Variants in PDZD7 observed in about 807,000 individuals in gnomAD.
The protein encoded by PDZD7 is PDZ domain-containing protein 7.
Under a neutral mutation model 84.7 loss-of-function variants are expected in PDZD7, and 72 were observed. That is an observed-to-expected ratio of 0.85 (90% CI 0.70 to 1.03). The LOEUF is 1.03. Among genes scored for constraint, PDZD7 ranks in the 50% least tolerant of loss-of-function variants. The pLI is 0.00. For synonymous variants in PDZD7, 594 were observed against 580.7 expected, an observed-to-expected ratio of 1.02 and a Z score of -0.33; for missense variants, 1,490 against 1,412.9, an observed-to-expected ratio of 1.05 and a Z score of -0.87.
At chr10:101,013,125 T>C (rs895733547) in intron 11 of PDZD7, among the ~76,000 whole-genome samples, 3 of 152,044 alleles carry the variant, frequency 2.0e-5, no homozygotes, top group Non-Finnish European at 4.4e-5. Context: ...TGGAAATAAA[T>C]ACAATACAAA....
rs1236639939 is a variant in PDZD7 at position 101,011,788 on chromosome 10, G to T, written c.1934-27C>A. 45 of 1,550,334 alleles carry T rather than the reference G, an allele frequency of 2.9e-5. 1 individual carries two copies. The highest frequency in any genetic ancestry group is 2.1e-4 in the South Asian group (18 of 84,064). ...TGGTTGGAGAGATGAACAGGTCAGC[G>T]GCAAGGTACCCCGCCAGGCTCCGGG... On this transcript the variant is annotated intron_variant, in intron 13 of 16. Transcript: ENST00000619208.
chr10:101,017,240 G>C (rs1852669336), intron 9 of PDZD7: 1 of 210,072 alleles, frequency 4.8e-6, no homozygotes, highest in East Asian at 1.1e-4. Flanking sequence ...CTATGCAATA[G>C]AGGTCATCTT....
chr10:101,020,501 A>C, intron 7 of PDZD7, 117 bp downstream of exon 7: 1 of 972,056 alleles, frequency 1.0e-6, no homozygotes. Context: ...GCCTCCCAAA[A>C]TGCTGGGATT....
intron 1 of PDZD7, 164 bp downstream of exon 1, chr10:101,030,909 C>T: frequency 6.4e-6 from 1 of 157,220 alleles, no homozygotes; most frequent in East Asian, 1.9e-4. Flanking sequence ...CTGCATGAAC[C>T]TCTCCCAAGC....
intron 9 of PDZD7, chr10:101,017,838 G>GGAAA (rs1202852543): frequency 0.15 from 25,097 of 165,270 alleles, 1,197 homozygotes; most frequent in Non-Finnish European, 0.16. Context: ...AAGGAAGGAA[G>GGAAA]GAAAGAAAGA....
intron 14 of PDZD7, chr10:101,011,458 G>A: frequency 8.0e-7 from 1 of 1,256,862 alleles, no homozygotes; most frequent in Admixed American, 3.1e-5. Context: ...CATAGAATGA[G>A]ACTAGATTTT....
intron 1 of PDZD7, chr10:101,030,648 G>T: frequency 2.9e-6 from 1 of 348,316 alleles, no homozygotes; most frequent in Non-Finnish European, 5.6e-6. Context: ...CTCAGTAGAG[G>T]TTGAGAGTGG....
chr10:101,023,334 C>T (rs544412513), intron 4 of PDZD7, 102 bp downstream of exon 4: 419 of 1,432,222 alleles, frequency 2.9e-4, no homozygotes, highest in Non-Finnish European at 3.8e-4. Flanking sequence ...AGCCAGCGAG[C>T]AGGAGGAACA....
intron 2 of PDZD7, among the ~76,000 whole-genome samples, chr10:101,027,242 C>T (rs1042089183): frequency 1.3e-5 from 2 of 150,674 alleles, no homozygotes; most frequent in East Asian, 2.0e-4. Context: ...TTCCTCTGCC[C>T]ACCCCTCCGC....
intron 2 of PDZD7, among the ~76,000 whole-genome samples, chr10:101,025,251 T>C (rs1937623184): frequency 6.6e-6 from 1 of 152,092 alleles, no homozygotes; most frequent in African/African-American, 2.4e-5. Flanking sequence ...GCTCTGTCGC[T>C]GAGGCTAGAG....
In PDZD7 at chr10:101,023,957, A is replaced by C. The variant is rs1853276707; in HGVS notation, c.338T>G (p.Val113Gly). ...GGSEHGLGIFVSKVEEGSSAE... is the reference protein window; with the variant it reads ...GGSEHGLGIFGSKVEEGSSAE... The stretch of plus-strand genomic sequence containing the variant: ...ACTGCTGCCTTCCTCCACTTTGCTG[A>C]CGAAGATGCCCAGGCCATGCTCTGA... The change falls in exon 3 of 17, where the codon GTC becomes GGC. Residue 113 changes from valine to glycine, a missense_variant. By Grantham distance (109) the Val-to-Gly change is moderately radical. Coordinates refer to ENST00000619208, the MANE Select transcript of PDZD7 (RefSeq NM_001195263.2). 1 of 1,614,124 alleles carries C rather than the reference A, an allele frequency of 6.2e-7. No homozygotes were observed. Among genetic ancestry groups the C allele is most frequent in the African/African-American group, 1.3e-5 (1 of 74,938 alleles).
chr10:101,021,897 GT>G lies in PDZD7; in HGVS notation c.767del (p.Asp256AlafsTer23). ...LAEENGIKVG[D>X]QVLAANGVRF... Reference sequence around the variant, plus strand: ...TGACACCGTTGGCTGCCAGGACCTGGTCCCCCACCTTGATGCCATTCTCCTC... The same window carrying G: ...TGACACCGTTGGCTGCCAGGACCTGGCCCCCACCTTGATGCCATTCTCCTC... On this transcript the variant is annotated frameshift_variant, in exon 6 of 17. Transcript: ENST00000619208. LOFTEE classifies it high-confidence loss of function. The G allele has an allele frequency of 6.2e-7, 1 of 1,614,098 alleles. No individual in the cohort carries two copies. Among genetic ancestry groups the G allele is most frequent in the Non-Finnish European group, 8.5e-7 (1 of 1,180,024 alleles).
chr10:101,014,390 G>A (rs1357869679), intron 11 of PDZD7, among the ~76,000 whole-genome samples: 2 of 152,088 alleles, frequency 1.3e-5, no homozygotes, highest in African/African-American at 4.8e-5. Context: ...ACAAGTGGGA[G>A]GTTTGGGCAG....
At chr10:101,018,664 T>G (rs1258319004) in intron 8 of PDZD7, among the ~76,000 whole-genome samples, 158 bp downstream of exon 8, 1 of 151,980 alleles carries the variant, frequency 6.6e-6, no homozygotes, top group Non-Finnish European at 1.5e-5. Context: ...TAATTTAAAG[T>G]GGAGCCCACA....
At position 101,008,409 on chromosome 10, in the gene PDZD7, G is replaced by A. The variant is rs550656911; in HGVS notation, c.*58C>T. The stretch of plus-strand genomic sequence containing the variant: ...GAGTCCTGAAGAAGTTGGTAGGAGA[G>A]GTCCTGGGGATAACGGGATGCTGGA... On this transcript the variant is annotated 3_prime_UTR_variant, in exon 17 of 17. Coordinates refer to ENST00000619208, the MANE Select transcript of PDZD7 (RefSeq NM_001195263.2). 5.6e-6 allele frequency: 8 copies of A among 1,438,610 alleles called. No individual in the cohort carries two copies. In the African/African-American group the frequency reaches 1.1e-4, roughly 20 times the overall value. The allele number at this position is 1,438,610 out of a possible 1,614,324, so 89.1% of individuals were successfully genotyped here. A position where few individuals can be genotyped will look rare whatever the true frequency, so the allele number is the denominator to read the frequency against.
intron 14 of PDZD7, chr10:101,011,222 A>G (rs1852384245): frequency 2.1e-6 from 1 of 483,984 alleles, no homozygotes; most frequent in Non-Finnish European, 3.2e-6. Context: ...TTGTATTTTT[A>G]GTAGAGACGG....
At chr10:101,029,966 C>A in intron 2 of PDZD7, 28 bp downstream of exon 2, 1 of 1,576,518 alleles carries the variant, frequency 6.3e-7, no homozygotes, top group Non-Finnish European at 8.7e-7. Flanking sequence ...CTCCCCAACC[C>A]AGGCCAGTGG....
chr10:101,016,569 G>A, intron 9 of PDZD7, 142 bp from the exon 10 acceptor site: 1 of 818,440 alleles, frequency 1.2e-6, no homozygotes, highest in South Asian at 1.7e-5. Flanking sequence ...GCCCTGAGGG[G>A]CTTGAAGGCA....
In PDZD7 at chr10:101,011,697, G is replaced by T; in HGVS notation, c.1998C>A (p.Pro666=). ...DTPPKRHLIT[P]VPDSRGGFYL... ...TCTGGGACTCTGACTGACCAGGCACGGGGGTGATAAGGTGACGCTTGGGTG... is the reference window on the plus strand; with the variant it reads ...TCTGGGACTCTGACTGACCAGGCACTGGGGTGATAAGGTGACGCTTGGGTG... The change falls in exon 14 of 17, where the codon CCC becomes CCA. Residue 666 remains proline, a synonymous_variant. Transcript: ENST00000619208. 1 of 1,539,246 alleles carries T rather than the reference G, an allele frequency of 6.5e-7. No homozygotes were observed. Among genetic ancestry groups the T allele is most frequent in the Non-Finnish European group, 8.7e-7 (1 of 1,146,786 alleles).
Sources: gnomAD v4.1 joint callset for allele counts (sites outside exome capture counted in the v4.1 genomes callset) on GRCh38, gnomAD v4.1.1 for gene constraint, MANE v1.5 for transcripts, NCBI Gene and HGNC (gene_info 2026-07-23, HGNC 2026-07-21) for gene names.